MUC20: variants seen among roughly 807,000 people sequenced by gnomAD.
The protein encoded by MUC20 is mucin-20.
A neutral mutation model predicts 23.8 loss-of-function variants in MUC20; 14 were observed. That is an observed-to-expected ratio of 0.59 (90% CI 0.39 to 0.92). The LOEUF is 0.92. Among genes scored for constraint, MUC20 ranks in the 40% least tolerant of loss-of-function variants. The pLI is 0.00. For missense variants in MUC20, 375 were observed against 668.8 expected (o/e 0.56, Z 4.85); for synonymous variants, 166 against 279.3 (o/e 0.59, Z 4.04).
intron 1 of MUC20, among the ~76,000 whole-genome samples, 185 bp downstream of exon 1, chr3:195,721,268 A>G (rs1387228706): frequency 8.2e-6 from 1 of 122,470 alleles, no homozygotes; most frequent in Non-Finnish European, 1.8e-5. Flanking sequence ...TGTGAGTGTA[A>G]GCGTGCATGG....
Position 195,726,004 on chromosome 3 carries a change from A to C in MUC20, c.1401A>C (p.Ala467=). 6.2e-7 allele frequency: 1 copy of C among 1,614,040 alleles called. No homozygotes were observed. The highest frequency in any genetic ancestry group is 2.2e-5 in the East Asian group (1 of 44,880). Residue 467 remains alanine, a synonymous_variant, in exon 2 of 4, where the codon GCA becomes GCC. Transcript: ENST00000447234. The stretch of plus-strand genomic sequence containing the variant: ...CAGCTCTGCCTGACTCCACTGAAGC[A>C]AAACCACACATCACTGAGGTCACAG... The part of the protein sequence containing the change: ...DPPALPDSTE[A]KPHITEVTAS...
intron 2 of MUC20, 55 bp downstream of exon 2, chr3:195,726,627 C>G (rs558581113): frequency 7.7e-6 from 12 of 1,552,728 alleles, no homozygotes; most frequent in African/African-American, 4.1e-5. Context: ...GTTTCCAGGA[C>G]GTCTCCGCAC....
rs371970256 is a variant in MUC20, at chr3:195,729,522, G to T, written c.1970-126G>T. 1.5e-4 allele frequency: 134 copies of T among 870,466 alleles called. No homozygotes were observed. The African/African-American group carries it at 2.0e-3, about 13-fold the overall frequency. The allele number at this position is 870,466 out of a possible 1,614,324, so 53.9% of individuals were successfully genotyped here. A position where few individuals can be genotyped will look rare whatever the true frequency, so the allele number is the denominator to read the frequency against. ...GTAAAGACGGGATTTCTCCATGTTG[G>T]TCAGGCTGGTCTCAAACTCCCGATC... is the stretch of plus-strand genomic sequence containing the variant. On this transcript the variant is annotated intron_variant, in intron 2 of 3. Coordinates refer to ENST00000447234, the MANE Select transcript of MUC20 (RefSeq NM_001282506.2).
chr3:195,729,787 T>G (rs1262748644), intron 3 of MUC20, 48 bp downstream of exon 3: 1 of 1,528,762 alleles, frequency 6.5e-7, no homozygotes, highest in African/African-American at 1.4e-5. Flanking sequence ...GGGGCGAGGT[T>G]CGCAGGGGCT....
chr3:195,726,022 G>A lies in MUC20; in HGVS notation c.1419G>A (p.Glu473=), dbSNP rs1453724152. The A allele has an allele frequency of 1.1e-5, 17 of 1,613,888 alleles. No individual in the cohort carries two copies. In the African/African-American group the frequency reaches 1.5e-4, roughly 14 times the overall value. ...DSTEAKPHIT[E]VTASAETLST... ...CTGAAGCAAAACCACACATCACTGA[G>A]GTCACAGCCTCTGCCGAGACCCTGT... Residue 473 remains glutamate (E), a synonymous_variant, in exon 2 of 4, where the codon GAG becomes GAA. Transcript: ENST00000447234.
rs1487175850 is a variant in MUC20, at chr3:195,733,261, G to A, written c.*43G>A. On this transcript the variant is annotated 3_prime_UTR_variant, in exon 4 of 4. Coordinates refer to ENST00000447234, the MANE Select transcript of MUC20 (RefSeq NM_001282506.2). ...CAGGCATGTCCCGTATGCCAAAAGA[G>A]GGTGCTGCCCCTAGCCTGGGCCCCC... 6.4e-7 allele frequency: 1 copy of A among 1,562,228 alleles called. No individual in the cohort carries two copies. The highest frequency in any genetic ancestry group is 8.7e-7 in the Non-Finnish European group (1 of 1,153,722).
intron 3 of MUC20, among the ~76,000 whole-genome samples, chr3:195,730,354 T>C (rs1431961894): frequency 3.9e-5 from 6 of 152,394 alleles, no homozygotes; most frequent in Admixed American, 3.9e-4. Flanking sequence ...TTTCTTTCTT[T>C]TTGTTTTTTG....
Position 195,729,636 on chromosome 3 carries a change from C to A in MUC20, c.1970-12C>A. The A allele has an allele frequency of 1.3e-6, 2 of 1,567,344 alleles. No homozygotes were observed. Among genetic ancestry groups the A allele is most frequent in the East Asian group, 2.3e-5 (1 of 42,572 alleles). On this transcript the variant is annotated splice_polypyrimidine_tract_variant and intron_variant, in intron 2 of 3. Coordinates refer to ENST00000447234, the MANE Select transcript of MUC20 (RefSeq NM_001282506.2). ...CAGCCCTGATTTTCATCTTACTGTT[C>A]TCCATTTGCAGGTGAAAATGGAGGT... is the stretch of plus-strand genomic sequence containing the variant.
chr3:195,732,445 C>T (rs1439660728), intron 3 of MUC20, among the ~76,000 whole-genome samples: 4 of 152,254 alleles, frequency 2.6e-5, no homozygotes, highest in South Asian at 4.2e-4. Flanking sequence ...CTGCAACCTC[C>T]ACCTCCCGGA....
Position 195,733,158 on chromosome 3 carries a change from G to C in MUC20, c.2070G>C (p.Arg690=). The change falls in exon 4 of 4, where the codon CGG becomes CGC. Residue 690 remains arginine (R), a synonymous_variant. Transcript: ENST00000447234. ...GCTCTTTTGCTCTCCAGCTCCACCG[G>C]GAACTCCACGCCCACGCGCCTCACT... ...VAERLMQQLH[R]ELHAHAPHFQ... 1 of 1,591,062 alleles carries C rather than the reference G, an allele frequency of 6.3e-7. No individual in the cohort carries two copies.
At chr3:195,721,637 C>T (rs1712112812) in intron 1 of MUC20, 1 of 163,802 alleles carries the variant, frequency 6.1e-6, no homozygotes, top group Non-Finnish European at 1.3e-5. Flanking sequence ...GGAATGAACC[C>T]TGACCTGTCG....
chr3:195,723,577 A>T (rs1712363230), intron 1 of MUC20, among the ~76,000 whole-genome samples: 1 of 119,618 alleles, frequency 8.4e-6, no homozygotes, highest in African/African-American at 3.7e-5. Context: ...TTGCATGAGA[A>T]ATACTCATGC....
intron 1 of MUC20, among the ~76,000 whole-genome samples, chr3:195,723,017 CCTT>C (rs1262401687): frequency 1.1e-4 from 14 of 122,896 alleles, no homozygotes; most frequent in Admixed American, 3.2e-4. Flanking sequence ...AGCCCTTTCA[CCTT>C]CTCCGCTGGT....
At chr3:195,721,747 G>C (rs1441219635) in intron 1 of MUC20, 2 of 152,992 alleles carry the variant, frequency 1.3e-5, no homozygotes, top group East Asian at 3.8e-4. Flanking sequence ...GAGTGGAGAG[G>C]CCGGGCGTGG....
rs1015533931 is a variant in MUC20, at chr3:195,729,535, C to G, written c.1970-113C>G. 5 of 1,031,448 alleles carry G rather than the reference C, an allele frequency of 4.8e-6. No homozygotes were observed. In the South Asian group the frequency reaches 6.0e-5, roughly 12 times the overall value. 63.9% of individuals were successfully genotyped at this position (1,031,448 alleles called of 1,614,324 possible). On this transcript the variant is annotated intron_variant, in intron 2 of 3. Transcript: ENST00000447234. Reference sequence around the variant, plus strand: ...TTCTCCATGTTGGTCAGGCTGGTCTCAAACTCCCGATCTCAGGTGATCCAC... The same window carrying G: ...TTCTCCATGTTGGTCAGGCTGGTCTGAAACTCCCGATCTCAGGTGATCCAC...
At chr3:195,726,830 G>A (rs1490915795) in intron 2 of MUC20, among the ~76,000 whole-genome samples, 1 of 152,266 alleles carries the variant, frequency 6.6e-6, no homozygotes, top group Admixed American at 6.5e-5. Flanking sequence ...CAACCCGAGT[G>A]ACCTTGGGCA....
At position 195,729,690 on chromosome 3, in the gene MUC20, C is replaced by T. The variant is rs3762739; in HGVS notation, c.2012C>T (p.Ser671Phe). The T allele has an allele frequency of 2.5e-5, 40 of 1,584,994 alleles. No individual in the cohort carries two copies. The highest frequency in any genetic ancestry group is 1.7e-4 in the Middle Eastern group (1 of 6,030). ...CTCCTCCTGCGGCTGAGTGTGGCTTCCCCGGAAGACCTCACTGACCCCAGA... is the reference window on the plus strand; with the variant it reads ...CTCCTCCTGCGGCTGAGTGTGGCTTTCCCGGAAGACCTCACTGACCCCAGA... ...GFLLLRLSVASPEDLTDPRVA... is the reference protein window; with the variant it reads ...GFLLLRLSVAFPEDLTDPRVA... The change falls in exon 3 of 4, where the codon TCC becomes TTC. Residue 671 changes from serine to phenylalanine, a missense_variant. Physicochemically the swap from Ser to Phe is radical, Grantham distance 155. This residue lies in a region of MUC20 where 343 missense variants were observed against 340.2 expected (regional missense o/e 1.01). Coordinates refer to ENST00000447234, the MANE Select transcript of MUC20 (RefSeq NM_001282506.2).
intron 1 of MUC20, among the ~76,000 whole-genome samples, chr3:195,721,336 G>A (rs996556556): frequency 3.3e-5 from 5 of 152,100 alleles, no homozygotes; most frequent in East Asian, 3.8e-4. Context: ...CGTGCCTGGC[G>A]CTGCAGTACA....
At chr3:195,729,061 C>A (rs1713067661) in intron 2 of MUC20, among the ~76,000 whole-genome samples, 1 of 152,284 alleles carries the variant, frequency 6.6e-6, no homozygotes, top group Non-Finnish European at 1.5e-5. Context: ...TACAGAGACA[C>A]AGTGACAGTC....
Sources: allele counts gnomAD v4.1 joint callset (sites outside exome capture counted in the v4.1 genomes callset), GRCh38; gene constraint gnomAD v4.1.1; regional missense constraint gnomAD v4.1.1; transcripts MANE v1.5; gene names NCBI Gene and HGNC (gene_info 2026-07-23, HGNC 2026-07-21).